SRSF4: variants seen among roughly 807,000 people sequenced by gnomAD.
SRSF4 encodes the protein serine and arginine rich splicing factor 4.
SRSF4 carries 12 observed loss-of-function variants against 48.8 expected under a neutral mutation model. The observed-to-expected ratio is 0.25, with a 90% CI of 0.16 to 0.40. The LOEUF (loss-of-function observed/expected upper bound fraction) is 0.40. SRSF4 is among the 10% of genes least tolerant of loss of function. The pLI is 1.00. For missense variants in SRSF4, 466 were observed against 667.1 expected (o/e 0.70, Z 3.32); for synonymous variants, 248 against 232.5 (o/e 1.07, Z -0.61).
Position 29,149,098 on chromosome 1 carries a change from C to T in SRSF4, c.797G>A (p.Arg266His), listed in dbSNP as rs753234911. The T allele has an allele frequency of 7.6e-5, 122 of 1,613,472 alleles. No individual in the cohort carries two copies. In the East Asian group the frequency reaches 1.5e-3, roughly 20 times the overall value. ...TTCAGCTTGGTCTTTGCTCTTGCTGCGGCTCTTGCCAGCGCTATGGCTGCG... is the reference window on the plus strand; with the variant it reads ...TTCAGCTTGGTCTTTGCTCTTGCTGTGGCTCTTGCCAGCGCTATGGCTGCG... Reference protein sequence around the residue: ...RSRSHSAGKSRSKSKDQAEEK... With the variant: ...RSRSHSAGKSHSKSKDQAEEK... The change falls in exon 6 of 6, where the codon CGC becomes CAC. Residue 266 changes from arginine (R) to histidine (H), a missense_variant. By Grantham distance (29) the Arg-to-His change is conservative. Transcript: ENST00000373795.
In SRSF4 at chr1:29,149,202, C is replaced by A; in HGVS notation, c.693G>T (p.Lys231Asn). Reference protein sequence around the residue: ...RSRSGSRSRSKSRSRSQSRSR... With the variant: ...RSRSGSRSRSNSRSRSQSRSR... ...TCCGACTCTGGCTCCGGCTCCGGCT[C>A]TTGCTCCGGGAGCGGGAGCCCGACC... Residue 231 changes from lysine to asparagine, a missense_variant, in exon 6 of 6, where the codon AAG becomes AAT. This residue lies in a region of SRSF4 where 402 missense variants were observed against 437.0 expected (regional missense o/e 0.92). Transcript: ENST00000373795. 3.1e-6 allele frequency: 5 copies of A among 1,609,414 alleles called. No individual in the cohort carries two copies. The highest frequency in any genetic ancestry group is 4.2e-6 in the Non-Finnish European group (5 of 1,179,958).
At chr1:29,179,251 ATTGT>A (rs1387551462) in intron 1 of SRSF4, among the ~76,000 whole-genome samples, 7 of 152,130 alleles carry the variant, frequency 4.6e-5, no homozygotes, top group Non-Finnish European at 5.9e-5. Context: ...TCCATGCTAG[ATTGT>A]TTATTATTTT....
chr1:29,181,001 G>A (rs1314722077), intron 1 of SRSF4, among the ~76,000 whole-genome samples: 1 of 152,236 alleles, frequency 6.6e-6, no homozygotes, highest in Non-Finnish European at 1.5e-5. Flanking sequence ...ACTCTGCACG[G>A]AGTCTTAAAG....
At chr1:29,170,169 G>C (rs988496620) in intron 1 of SRSF4, 4 of 152,098 alleles carry the variant, frequency 2.6e-5, no homozygotes, top group African/African-American at 4.8e-5. Context: ...AAATGAAATT[G>C]AAAGCTTTCA....
intron 1 of SRSF4, among the ~76,000 whole-genome samples, chr1:29,177,232 T>C (rs1672882938): frequency 6.6e-6 from 1 of 151,630 alleles, no homozygotes; most frequent in Non-Finnish European, 1.5e-5. Context: ...GTTGCTTCCT[T>C]GACGTGCATC....
At chr1:29,150,802 TC>T (rs1047873811) in intron 4 of SRSF4, among the ~76,000 whole-genome samples, 1 of 152,072 alleles carries the variant, frequency 6.6e-6, no homozygotes, top group Non-Finnish European at 1.5e-5. Flanking sequence ...CATCCTTGAC[TC>T]CCCCGTCTTT....
At chr1:29,176,705 C>G (rs1190261151) in intron 1 of SRSF4, among the ~76,000 whole-genome samples, 2 of 152,124 alleles carry the variant, frequency 1.3e-5, no homozygotes. Context: ...CAACAACGAC[C>G]TGCCTCACTC....
chr1:29,162,178 C>T (rs1672608512), intron 1 of SRSF4, among the ~76,000 whole-genome samples: 1 of 152,168 alleles, frequency 6.6e-6, no homozygotes, highest in Non-Finnish European at 1.5e-5. Context: ...CCACCTGGCT[C>T]AATTTATGGG....
chr1:29,149,688 G>GAAAA (rs35111206), intron 5 of SRSF4, among the ~76,000 whole-genome samples: 1 of 100,912 alleles, frequency 9.9e-6, no homozygotes. Context: ...CTTGAGGGGG[G>GAAAA]AAAAAAAAAA....
At chr1:29,169,086 T>C (rs1461393590) in intron 1 of SRSF4, 2 of 152,260 alleles carry the variant, frequency 1.3e-5, no homozygotes, top group African/African-American at 4.8e-5. Flanking sequence ...TAATTACTAC[T>C]CCTATTTTTG....
chr1:29,159,366 G>A lies in SRSF4; in HGVS notation c.363+8C>T. On this transcript the variant is annotated splice_region_variant and intron_variant, in intron 3 of 5. Transcript: ENST00000373795. Reference sequence around the variant, plus strand: ...AACCTTACCCCAAAAGGTTAATGGGGCCCAAACCTTTAGGTCTTGCCAGCT... The same window carrying A: ...AACCTTACCCCAAAAGGTTAATGGGACCCAAACCTTTAGGTCTTGCCAGCT... 1 of 1,605,102 alleles carries A rather than the reference G, an allele frequency of 6.2e-7. No individual in the cohort carries two copies.
intron 1 of SRSF4, chr1:29,173,130 C>CTTTTTTTTTTTTTTT (rs71586892): frequency 2.5e-5 from 2 of 78,556 alleles, no homozygotes; most frequent in African/African-American, 1.0e-4. Flanking sequence ...GTCAAAAAGG[C>CTTTTTTTTTTTTTTT]TTTTTTTTTT....
intron 3 of SRSF4, among the ~76,000 whole-genome samples, chr1:29,158,902 A>T (rs1672548156): frequency 6.6e-6 from 1 of 152,136 alleles, no homozygotes; most frequent in Admixed American, 6.6e-5. Context: ...CGGGTGGATC[A>T]CAAGGTCAGG....
chr1:29,181,180 G>C (rs558269132), intron 1 of SRSF4, among the ~76,000 whole-genome samples: 199 of 152,318 alleles, frequency 1.3e-3, no homozygotes, highest in Non-Finnish European at 2.1e-3. Flanking sequence ...TCCAGTCCTC[G>C]GGGAAGACGG....
chr1:29,160,206 A>T, intron 2 of SRSF4, 169 bp downstream of exon 2: 1 of 720,728 alleles, frequency 1.4e-6, no homozygotes, highest in Non-Finnish European at 2.1e-6. Flanking sequence ...AATTAAAATT[A>T]AACATTATCA....
At position 29,148,623 on chromosome 1, in the gene SRSF4, C is replaced by A; in HGVS notation, c.1272G>T (p.Gln424His). 1 of 1,614,126 alleles carries A rather than the reference C, an allele frequency of 6.2e-7. No individual in the cohort carries two copies. The highest frequency in any genetic ancestry group is 8.5e-7 in the Non-Finnish European group (1 of 1,179,994). Residue 424 changes from glutamine to histidine, a missense_variant, in exon 6 of 6, where the codon CAG (glutamine) becomes CAT (histidine). Gln to His is a conservative substitution (Grantham distance 24). Transcript: ENST00000373795. ...TCTCACTCTCTCCTCGACCTTCCCT[C>A]TGGCTGGATTCAGACTTGGCATGTT... Reference protein sequence around the residue: ...EREHAKSESSQREGRGESENA... With the variant: ...EREHAKSESSHREGRGESENA...
intron 1 of SRSF4, chr1:29,173,037 A>G (rs1373376805): frequency 6.6e-6 from 1 of 152,164 alleles, no homozygotes; most frequent in Admixed American, 6.6e-5. Context: ...CCCATCTTAA[A>G]AGGATGCTTA....
intron 2 of SRSF4, chr1:29,159,695 A>AT (rs1183171435): frequency 2.5e-6 from 1 of 393,570 alleles, no homozygotes; most frequent in African/African-American, 2.0e-5. Flanking sequence ...GTAAGTATAC[A>AT]TATTCATTAA....
intron 4 of SRSF4, among the ~76,000 whole-genome samples, chr1:29,152,534 C>T (rs377765323): frequency 1.3e-5 from 2 of 152,168 alleles, no homozygotes; most frequent in African/African-American, 4.8e-5. Flanking sequence ...AAGCCACTCT[C>T]CTCCCGTTAC....
Sources: allele counts gnomAD v4.1 joint callset (sites outside exome capture counted in the v4.1 genomes callset), GRCh38; gene constraint gnomAD v4.1.1; regional missense constraint gnomAD v4.1.1; transcripts MANE v1.5; gene names NCBI Gene and HGNC (gene_info 2026-07-23, HGNC 2026-07-21).